GPCPD1: variants seen among roughly 807,000 people sequenced by gnomAD.
The protein encoded by GPCPD1 is glycerophosphocholine phosphodiesterase 1, also known as glycerophosphocholine phosphodiesterase GPCPD1.
Under a neutral mutation model 89.2 loss-of-function variants are expected in GPCPD1, and 29 were observed. That is an observed-to-expected ratio of 0.33 (90% CI 0.24 to 0.44). The LOEUF is 0.44. Among genes scored for constraint, GPCPD1 ranks in the 20% least tolerant of loss-of-function variants. GPCPD1 has a pLI of 1.00. For missense variants in GPCPD1, 594 were observed against 808.9 expected (o/e 0.73, Z 3.22); for synonymous variants, 258 against 266.3 (o/e 0.97, Z 0.30).
chr20:5,598,240 C>T (rs1979868813), intron 3 of GPCPD1, among the ~76,000 whole-genome samples: 1 of 151,552 alleles, frequency 6.6e-6, no homozygotes, highest in South Asian at 2.1e-4. Flanking sequence ...AAACAAAAAA[C>T]AAAAAAACAA....
At chr20:5,566,661 C>T in intron 14 of GPCPD1, 72 bp downstream of exon 14, 1 of 884,844 alleles carries the variant, frequency 1.1e-6, no homozygotes, top group Non-Finnish European at 1.9e-6. Context: ...CAAGTATGTG[C>T]TAAAATCGAT....
At chr20:5,555,903 C>A (rs1339409870) in intron 19 of GPCPD1, among the ~76,000 whole-genome samples, 2 of 152,128 alleles carry the variant, frequency 1.3e-5, no homozygotes, top group African/African-American at 4.8e-5. Context: ...GTGAAAAATG[C>A]TCTTAAACAC....
In GPCPD1 at chr20:5,575,417, C is replaced by T. The variant is rs1481131723; in HGVS notation, c.997G>A (p.Ala333Thr). Residue 333 changes from alanine (A) to threonine (T), a missense_variant, in exon 10 of 20, where the codon GCC (alanine) becomes ACC (threonine). Transcript: ENST00000379019. ...CTACTCAAATATTCAACTTACTGGG[C>T]AGTTGTTGTAGAGTTTCCTGCACCT... is the stretch of plus-strand genomic sequence containing the variant. ...HRGAGNSTTT[A>T]QLAKVQENTI... 1.2e-6 allele frequency: 2 copies of T among 1,604,902 alleles called. No homozygotes were observed. The highest frequency in any genetic ancestry group is 1.7e-6 in the Non-Finnish European group (2 of 1,174,022).
chr20:5,584,639 T>C (rs1978786717), intron 5 of GPCPD1: 1 of 167,388 alleles, frequency 6.0e-6, no homozygotes, highest in African/African-American at 2.4e-5. Flanking sequence ...GACTCACAGG[T>C]TGCTGGACAA....
At chr20:5,577,464 C>T (rs1332167614) in intron 8 of GPCPD1, among the ~76,000 whole-genome samples, 8 of 143,490 alleles carry the variant, frequency 5.6e-5, no homozygotes, top group East Asian at 4.0e-4. Flanking sequence ...CTCCAGACTG[C>T]GCAACAGAGC....
chr20:5,554,792 A>G (rs1487081162), intron 19 of GPCPD1, among the ~76,000 whole-genome samples: 3 of 152,246 alleles, frequency 2.0e-5, no homozygotes, highest in South Asian at 2.1e-4. Flanking sequence ...TGCCACAGAC[A>G]GTGATTCCTC....
At chr20:5,558,972 G>A (rs1007068527) in intron 17 of GPCPD1, among the ~76,000 whole-genome samples, 153 bp from the exon 18 acceptor site, 3 of 152,152 alleles carry the variant, frequency 2.0e-5, no homozygotes, top group African/African-American at 7.2e-5. Flanking sequence ...GGAGGCCAAG[G>A]CGGGCAGAGC....
chr20:5,601,798 C>T (rs542911589), intron 2 of GPCPD1, among the ~76,000 whole-genome samples: 2 of 152,304 alleles, frequency 1.3e-5, no homozygotes, highest in South Asian at 2.1e-4. Context: ...AATGGGGACT[C>T]AGTGGTTCAC....
At chr20:5,610,704 G>GCCGGCCCGGC (rs543264229) in intron 1 of GPCPD1, 138 bp downstream of exon 1, 1 of 149,972 alleles carries the variant, frequency 6.7e-6, no homozygotes, top group Non-Finnish European at 1.5e-5. Flanking sequence ...GCGGGCAGTG[G>GCCGGCCCGGC]CCGGCCCGGC....
chr20:5,575,794 T>C, intron 9 of GPCPD1, 22 bp downstream of exon 9: 4 of 1,511,722 alleles, frequency 2.6e-6, no homozygotes, highest in Non-Finnish European at 3.6e-6. Flanking sequence ...CTTGGGTTAT[T>C]TGGCAGTGTC....
Position 5,580,151 on chromosome 20 carries a change from G to A in GPCPD1, c.350-20C>T. On this transcript the variant is annotated intron_variant, in intron 6 of 19. Transcript: ENST00000379019. ...CACCATCTGACAGAATAAATATGAA[G>A]AACAGTAATTATTATACATGTTTTT... 7.6e-7 allele frequency: 1 copy of A among 1,314,294 alleles called. No homozygotes were observed. Among genetic ancestry groups the A allele is most frequent in the Non-Finnish European group, 1.1e-6 (1 of 929,472 alleles). 81.4% of individuals were successfully genotyped at this position (1,314,294 alleles called of 1,614,324 possible). A position where few individuals can be genotyped will look rare whatever the true frequency, so the allele number is the denominator to read the frequency against.
At position 5,586,195 on chromosome 20, in the gene GPCPD1, TA is replaced by T; in HGVS notation, c.305del (p.Leu102Ter). ...AACAGATGCAGTTAATGCCCATACC[TA>T]AAGGGGTTATTGATCGTGGTTGTAG... Reference protein sequence around the residue: ...THLQPRSITPLESEIIIDDGQ... With the variant: ...THLQPRSITPXESEIIIDDGQ... On this transcript the variant is annotated frameshift_variant and splice_region_variant, in exon 5 of 20. Transcript: ENST00000379019. LOFTEE classifies it high-confidence loss of function. The T allele has an allele frequency of 1.3e-6, 2 of 1,527,726 alleles. No individual in the cohort carries two copies. The highest frequency in any genetic ancestry group is 1.8e-6 in the Non-Finnish European group (2 of 1,101,556). 94.6% of individuals were successfully genotyped at this position (1,527,726 alleles called of 1,614,324 possible). A position where few individuals can be genotyped will look rare whatever the true frequency, so the allele number is the denominator to read the frequency against.
At chr20:5,565,705 C>G (rs1311792071) in intron 14 of GPCPD1, among the ~76,000 whole-genome samples, 1 of 136,028 alleles carries the variant, frequency 7.4e-6, no homozygotes, top group Admixed American at 8.0e-5. Flanking sequence ...AAAGTAGTCA[C>G]AAGCTGTGAT....
Position 5,580,050 on chromosome 20 carries a change from G to C in GPCPD1, c.431C>G (p.Pro144Arg), listed in dbSNP as rs1370986256. The C allele has an allele frequency of 6.6e-7, 1 of 1,522,960 alleles. No homozygotes were observed. Among genetic ancestry groups the C allele is most frequent in the Non-Finnish European group, 9.1e-7 (1 of 1,098,518 alleles). The allele number at this position is 1,522,960 out of a possible 1,614,324, so 94.3% of individuals were successfully genotyped here. A position where few individuals can be genotyped will look rare whatever the true frequency, so the allele number is the denominator to read the frequency against. ...RLRLHYSEKPPVSITKKKLKK... is the reference protein window; with the variant it reads ...RLRLHYSEKPRVSITKKKLKK... ...TAATTTTTTCTTGGTTATTGACACA[G>C]GAGGTTTTTCAGAATAATGCAAACG... Residue 144 changes from proline to arginine, a missense_variant, in exon 7 of 20, where the codon CCT becomes CGT. Coordinates refer to ENST00000379019, the MANE Select transcript of GPCPD1 (RefSeq NM_019593.5).
At chr20:5,594,836 C>T (rs1013725708) in intron 3 of GPCPD1, among the ~76,000 whole-genome samples, 3 of 152,184 alleles carry the variant, frequency 2.0e-5, no homozygotes, top group African/African-American at 4.8e-5. Flanking sequence ...AAACTTGAGT[C>T]GAGCAAGTCT....
chr20:5,566,111 T>C (rs1012343533), intron 14 of GPCPD1, among the ~76,000 whole-genome samples: 1 of 152,188 alleles, frequency 6.6e-6, no homozygotes, highest in Non-Finnish European at 1.5e-5. Flanking sequence ...ATAAAGATAT[T>C]AAAACTGTAT....
intron 18 of GPCPD1, among the ~76,000 whole-genome samples, chr20:5,558,379 G>A (rs1427752584): frequency 6.6e-6 from 1 of 152,070 alleles, no homozygotes; most frequent in Non-Finnish European, 1.5e-5. Flanking sequence ...ACAAGTTCAC[G>A]TTCATCTGTA....
At chr20:5,600,318 G>A (rs1414657989) in intron 2 of GPCPD1, among the ~76,000 whole-genome samples, 1 of 152,234 alleles carries the variant, frequency 6.6e-6, no homozygotes, top group East Asian at 1.9e-4. Context: ...CACTTTGGGA[G>A]GCCAAGGCAG....
chr20:5,606,748 T>C (rs937851507), intron 1 of GPCPD1, among the ~76,000 whole-genome samples: 2 of 152,146 alleles, frequency 1.3e-5, no homozygotes, highest in African/African-American at 2.4e-5. Flanking sequence ...AGGGCTCAGG[T>C]TGAGATGAGG....
Sources: allele counts gnomAD v4.1 joint callset (sites outside exome capture counted in the v4.1 genomes callset), GRCh38; gene constraint gnomAD v4.1.1; transcripts MANE v1.5; gene names NCBI Gene and HGNC (gene_info 2026-07-23, HGNC 2026-07-21).